The following PPARG variants were observed in gnomAD, a reference collection of about 807,000 sequenced individuals.
PPARG encodes peroxisome proliferator-activated receptor gamma.
PPARG carries 17 observed loss-of-function variants against 39.2 expected under a neutral mutation model. The observed-to-expected ratio is 0.43, with a 90% CI of 0.30 to 0.65. The LOEUF is 0.65. Among genes scored for constraint, PPARG ranks in the 30% least tolerant of loss-of-function variants. The pLI, the probability that PPARG is intolerant of heterozygous loss-of-function variation, is 0.13. For synonymous variants in PPARG, 223 were observed against 215.7 expected (o/e 1.03, Z -0.30); for missense variants, 406 against 585.9 (o/e 0.69, Z 3.17).
intron 2 of PPARG, among the ~76,000 whole-genome samples, chr3:12,342,246 A>G (rs1005379389): frequency 2.0e-5 from 3 of 152,200 alleles, no homozygotes; most frequent in Non-Finnish European, 4.4e-5. Context: ...CAACAAGAAA[A>G]CAACCAGACA....
intron 5 of PPARG, among the ~76,000 whole-genome samples, chr3:12,394,618 C>A (rs1004308497): frequency 1.3e-5 from 2 of 152,118 alleles, no homozygotes; most frequent in African/African-American, 4.8e-5. Context: ...GTCATGACAT[C>A]AGAGACTTAG....
chr3:12,321,355 G>A (rs2047539267), intron 2 of PPARG, among the ~76,000 whole-genome samples: 1 of 152,052 alleles, frequency 6.6e-6, no homozygotes. Context: ...ATCAGACTTT[G>A]GAATAAAAGT....
intron 7 of PPARG, among the ~76,000 whole-genome samples, chr3:12,428,082 T>C (rs1252136508): frequency 6.6e-6 from 1 of 152,202 alleles, no homozygotes; most frequent in African/African-American, 2.4e-5. Flanking sequence ...TGTGGTCATC[T>C]GGTTCCCTAA....
chr3:12,428,039 C>G (rs994595504), intron 7 of PPARG, among the ~76,000 whole-genome samples: 1 of 152,172 alleles, frequency 6.6e-6, no homozygotes, highest in Non-Finnish European at 1.5e-5. Context: ...AAACCACCTG[C>G]ATTTTTTCTG....
At chr3:12,352,353 A>G (rs1314540290) in intron 2 of PPARG, among the ~76,000 whole-genome samples, 1 of 152,202 alleles carries the variant, frequency 6.6e-6, no homozygotes, top group Non-Finnish European at 1.5e-5. Flanking sequence ...GTAAATGCCT[A>G]TTGCAAGTGA....
intron 2 of PPARG, among the ~76,000 whole-genome samples, chr3:12,335,788 AT>A: frequency 6.6e-6 from 1 of 152,326 alleles, no homozygotes; most frequent in Non-Finnish European, 1.5e-5. Context: ...TATTAATATG[AT>A]TCCTACATCA....
intron 2 of PPARG, among the ~76,000 whole-genome samples, chr3:12,340,015 C>A (rs1422460929): frequency 6.6e-6 from 1 of 152,166 alleles, no homozygotes; most frequent in African/African-American, 2.4e-5. Flanking sequence ...CATTAATCTC[C>A]CAGAGGCTAC....
chr3:12,293,867 C>T (rs1574936841), intron 1 of PPARG, among the ~76,000 whole-genome samples: 1 of 152,116 alleles, frequency 6.6e-6, no homozygotes, highest in Non-Finnish European at 1.5e-5. Flanking sequence ...AAGGAACTTC[C>T]TAACCTTGAC....
rs530271313 is a variant in PPARG at position 12,325,407 on chromosome 3, G to A, written c.-9+12954G>A. Among the ~76,000 whole-genome samples the A allele has an allele frequency of 2.6e-5, 4 of 152,100 alleles. No homozygotes were observed. The South Asian group carries it at 6.2e-4, about 24-fold the overall frequency. ...TTGCACTCTAGCCTGGGCGACAAGA[G>A]CGAGACTTTGTCTCTAAATAAATAA... On this transcript the variant is annotated intron_variant, in intron 2 of 7. Coordinates refer to ENST00000651735, the MANE Select transcript of PPARG (RefSeq NM_138711.6).
intron 4 of PPARG, among the ~76,000 whole-genome samples, chr3:12,383,531 A>AT (rs1209389208): frequency 1.5e-4 from 23 of 152,274 alleles, no homozygotes; most frequent in African/African-American, 5.3e-4. Context: ...ATTCTGAGCC[A>AT]TATTTATCTG....
chr3:12,297,729 C>G (rs150914797), intron 1 of PPARG: 1 of 152,234 alleles, frequency 6.6e-6, no homozygotes, highest in African/African-American at 2.4e-5. Context: ...TCTACTTGAT[C>G]TTTAGCATAT....
intron 2 of PPARG, among the ~76,000 whole-genome samples, chr3:12,353,423 AACAG>A (rs2048551699): frequency 6.6e-6 from 1 of 152,178 alleles, no homozygotes; most frequent in African/African-American, 2.4e-5. Flanking sequence ...CCTCTTCCAA[AACAG>A]ACAGACTTAA....
Position 12,431,758 on chromosome 3 carries a change from A to G in PPARG, c.1181-2140A>G, listed in dbSNP as rs139608461. On this transcript the variant is annotated intron_variant, in intron 7 of 7. Coordinates refer to ENST00000651735, the MANE Select transcript of PPARG (RefSeq NM_138711.6). ...AGTTTAAGACCAGCCTGGGCTACGT[A>G]GCAAGACCCCACCTCTACAAAAAAT... Among the ~76,000 whole-genome samples the G allele has an allele frequency of 5.4e-3, 828 of 152,194 alleles. 3 individuals are homozygous for G. The highest frequency in any genetic ancestry group is 9.2e-3 in the South Asian group (44 of 4,796).
chr3:12,428,525 G>A (rs2051538217), intron 7 of PPARG, among the ~76,000 whole-genome samples: 1 of 152,276 alleles, frequency 6.6e-6, no homozygotes. Context: ...CCTGGCAACA[G>A]TGCCTTTTCA....
intron 2 of PPARG, among the ~76,000 whole-genome samples, chr3:12,375,185 G>C (rs536638618): frequency 6.6e-6 from 1 of 152,138 alleles, no homozygotes; most frequent in African/African-American, 2.4e-5. Context: ...GCAGGAGTTT[G>C]AGACCAGCCT....
chr3:12,332,888 T>C (rs973027954), intron 2 of PPARG, among the ~76,000 whole-genome samples: 1 of 152,036 alleles, frequency 6.6e-6, no homozygotes, highest in African/African-American at 2.4e-5. Context: ...AAAAATTGGC[T>C]GGGCATGGTG....
intron 5 of PPARG, among the ~76,000 whole-genome samples, chr3:12,405,239 T>C (rs925930338): frequency 1.3e-5 from 2 of 152,234 alleles, no homozygotes; most frequent in Non-Finnish European, 1.5e-5. Flanking sequence ...TTCCTCACCC[T>C]ACAGGCAGCC....
chr3:12,371,380 T>C (rs565010374), intron 2 of PPARG, among the ~76,000 whole-genome samples: 1 of 152,340 alleles, frequency 6.6e-6, no homozygotes, highest in Non-Finnish European at 1.5e-5. Flanking sequence ...GTACTTACTA[T>C]GTAAAAACAA....
chr3:12,433,906 G>A lies in PPARG; in HGVS notation c.1189G>A (p.Gly397Ser), dbSNP rs1160189065. Residue 397 changes from glycine to serine, a missense_variant, in exon 8 of 8, where the codon GGT (glycine) becomes AGT (serine). By Grantham distance (56) the Gly-to-Ser change is moderately conservative. This residue lies in a region of PPARG where 275 missense variants were observed against 458.0 expected (regional missense o/e 0.60). Transcript: ENST00000651735. ...AVIILSGDRP[G>S]LLNVKPIEDI... ...CATATGTGCTTCCCCAGACCGCCCA[G>A]GTTTGCTGAATGTGAAGCCCATTGA... The A allele has an allele frequency of 1.9e-6, 3 of 1,614,068 alleles. No individual in the cohort carries two copies. The Admixed American group carries it at 5.0e-5, about 27-fold the overall frequency.
Sources: allele counts gnomAD v4.1 joint callset (sites outside exome capture counted in the v4.1 genomes callset), GRCh38; gene constraint gnomAD v4.1.1; regional missense constraint gnomAD v4.1.1; transcripts MANE v1.5; gene names NCBI Gene and HGNC (gene_info 2026-07-23, HGNC 2026-07-21).